WDR4: variants seen among roughly 807,000 people sequenced by gnomAD.
The protein encoded by WDR4 is WDR4 tRNA N7-guanosine methyltransferase non-catalytic subunit.
In WDR4, 47 loss-of-function variants were observed where a neutral mutation model predicts 48.6. The observed-to-expected ratio is 0.97, with a 90% CI of 0.77 to 1.23. The LOEUF (loss-of-function observed/expected upper bound fraction) is 1.23, where lower values mean the gene tolerates loss of function less well. Among genes scored for constraint, WDR4 ranks in the 50% most tolerant of loss-of-function variants. The probability of loss-of-function intolerance (pLI) is 0.00; values close to 1 mark genes in which losing one functional copy is unlikely to be tolerated. For synonymous variants in WDR4, 268 were observed against 230.0 expected, an observed-to-expected ratio of 1.17 and a Z score of -1.49; for missense variants, 606 against 551.6, an observed-to-expected ratio of 1.10 and a Z score of -0.99.
chr21:42,854,499 C>G (rs986810355), intron 8 of WDR4, 63 bp downstream of exon 8: 12 of 1,551,150 alleles, frequency 7.7e-6, no homozygotes, highest in Non-Finnish European at 1.0e-5. Context: ...GTGGCCAACC[C>G]GCTAACTCTT....
upstream of WDR4, chr21:42,879,689 C>CG (rs970117066): frequency 1.6e-6 from 1 of 606,316 alleles, no homozygotes; most frequent in African/African-American, 1.9e-5. Flanking sequence ...TGGTGGCCTT[C>CG]GGTGTTTCGG....
In WDR4 at chr21:42,862,326, G is replaced by A. The variant is rs1452014400; in HGVS notation, c.522C>T (p.Ala174=). 5.6e-6 allele frequency: 9 copies of A among 1,611,686 alleles called. No homozygotes were observed. Among genetic ancestry groups the A allele is most frequent in the South Asian group, 3.3e-5 (3 of 90,514 alleles). ...AGGACTCGATGCTATGGGGCGCCGC[G>A]GCCCAGCTGACTCGGATCTTCTCGT... ...DRDEKIRVSW[A]AAPHSIESFC... is the part of the protein sequence containing the mutation. The change falls in exon 5 of 11, where the codon GCC becomes GCT. Residue 174 remains alanine (A), a synonymous_variant. Coordinates refer to ENST00000398208, the MANE Select transcript of WDR4 (RefSeq NM_018669.6). This position sits in a 1 kb window ranked among gnomAD's most constrained non-coding sequence, Gnocchi z 4.3.
chr21:42,849,845 C>G lies in WDR4; in HGVS notation c.*204G>C. The G allele has an allele frequency of 1.7e-6, 1 of 594,062 alleles. No homozygotes were observed. The highest frequency in any genetic ancestry group is 2.8e-6 in the Non-Finnish European group (1 of 356,504). The allele number at this position is 594,062 out of a possible 1,614,324, so 36.8% of individuals were successfully genotyped here. A position where few individuals can be genotyped will look rare whatever the true frequency, so the allele number is the denominator to read the frequency against. ...CTCCACTGGTCTGGCTTCCCTTCAA[C>G]CAGAAAGGGGGCACAGGCACCCAGC... On this transcript the variant is annotated 3_prime_UTR_variant, in exon 11 of 11. Transcript: ENST00000398208.
chr21:42,877,138 ATTTTTTTTTT>A (rs35841350), intron 1 of WDR4, among the ~76,000 whole-genome samples: 1 of 97,380 alleles, frequency 1.0e-5, no homozygotes, highest in African/African-American at 4.2e-5. Context: ...CCTGGCCCTA[ATTTTTTTTTT>A]TTTTTTTTTT....
chr21:42,853,627 A>T lies in WDR4; in HGVS notation c.917T>A (p.Leu306His), dbSNP rs1438768611. The change falls in exon 9 of 11, where the codon CTC becomes CAC. Residue 306 changes from leucine (L) to histidine (H), a missense_variant. By Grantham distance (99) the Leu-to-His change is moderately conservative (BLOSUM62 -3). Coordinates refer to ENST00000398208, the MANE Select transcript of WDR4 (RefSeq NM_018669.6). ...CAGGGGGGCTTCCTGGCAGTCCTGG[A>T]GCACCCACAGCCCCTGGGTCTCCTC... ...AFEETQGLWV[L>H]QDCQEAPLVL... 2.5e-6 allele frequency: 4 copies of T among 1,607,876 alleles called. No homozygotes were observed. The East Asian group carries it at 9.0e-5, about 36-fold the overall frequency.
At chr21:42,843,245 A>T in exon 12 of WDR4, 1 of 152,166 alleles carries the variant, frequency 6.6e-6, no homozygotes, top group Admixed American at 6.5e-5. Flanking sequence ...TGGTCCACGG[A>T]TCGCACATAA....
At chr21:42,884,797 G>T in the WDR4 span, among the ~76,000 whole-genome samples, 2 of 151,662 alleles carry the variant, frequency 1.3e-5, no homozygotes, top group Admixed American at 6.6e-5. Context: ...GTTTTTTTCC[G>T]ACAGAGTCTC....
the WDR4 span, among the ~76,000 whole-genome samples, chr21:42,885,998 C>A: frequency 2.0e-5 from 3 of 150,518 alleles, no homozygotes; most frequent in Non-Finnish European, 4.4e-5. Flanking sequence ...GCTCTGTCAC[C>A]CAGGCTGGAG....
intron 6 of WDR4, among the ~76,000 whole-genome samples, chr21:42,858,705 G>GCCTGAC (rs760240466): frequency 9.9e-5 from 15 of 152,280 alleles, no homozygotes; most frequent in African/African-American, 2.6e-4. Context: ...CGCTGACGAA[G>GCCTGAC]CCTGACCCTG....
At chr21:42,878,161 A>G (rs2058544866) in intron 1 of WDR4, among the ~76,000 whole-genome samples, 1 of 152,168 alleles carries the variant, frequency 6.6e-6, no homozygotes, top group South Asian at 2.1e-4. Context: ...ACCTACCTGA[A>G]AGTGTTCCCA....
chr21:42,846,813 G>A (rs957643634), downstream of WDR4, among the ~76,000 whole-genome samples: 5 of 152,194 alleles, frequency 3.3e-5, no homozygotes, highest in African/African-American at 1.2e-4. Flanking sequence ...CCTGAGGTCA[G>A]GAGTTGGAGA....
intron 3 of WDR4, among the ~76,000 whole-genome samples, chr21:42,870,246 G>A (rs1416926782): frequency 1.3e-5 from 2 of 152,172 alleles, no homozygotes; most frequent in Non-Finnish European, 2.9e-5. Context: ...AGCTGCTCGG[G>A]AGGCGGAGGC....
chr21:42,885,926 G>T, the WDR4 span, among the ~76,000 whole-genome samples: 1 of 149,670 alleles, frequency 6.7e-6, no homozygotes, highest in South Asian at 2.1e-4. Flanking sequence ...CAAATCCCCA[G>T]CTTCAGGCAA....
chr21:42,863,019 G>A (rs56303747), intron 4 of WDR4, among the ~76,000 whole-genome samples: 77 of 152,248 alleles, frequency 5.1e-4, no homozygotes, highest in African/African-American at 1.8e-3. Flanking sequence ...ACAGCTCCCG[G>A]CCAAGGAGGC....
intron 3 of WDR4, among the ~76,000 whole-genome samples, chr21:42,872,172 C>T (rs577456532): frequency 4.7e-4 from 72 of 152,158 alleles, no homozygotes; most frequent in Middle Eastern, 3.4e-3. Context: ...TTAGTAGAGA[C>T]GGGGTTTTGC....
At chr21:42,877,252 TC>T (rs2146111888) in intron 1 of WDR4, among the ~76,000 whole-genome samples, 1 of 148,202 alleles carries the variant, frequency 6.7e-6, no homozygotes, top group East Asian at 2.0e-4. Flanking sequence ...CAAGCAATTC[TC>T]CCGCCTCAGC....
At chr21:42,881,062 C>T (rs564976661), upstream of WDR4, among the ~76,000 whole-genome samples, 2 of 152,190 alleles carry the variant, frequency 1.3e-5, no homozygotes, top group South Asian at 2.1e-4. Context: ...CCCGCCACCA[C>T]GCCTGGCTAA....
intron 1 of WDR4, among the ~76,000 whole-genome samples, chr21:42,877,889 T>C (rs959597277): frequency 6.6e-6 from 1 of 151,550 alleles, no homozygotes; most frequent in East Asian, 1.9e-4. Flanking sequence ...ACTAAAAATA[T>C]AAAAAATTAG....
intron 6 of WDR4, 65 bp downstream of exon 6, chr21:42,859,597 G>GGGGCCC: frequency 1.4e-6 from 1 of 708,190 alleles, no homozygotes; most frequent in Non-Finnish European, 2.5e-6. Flanking sequence ...TCCAGGAGGC[G>GGGGCCC]CCCACCCCAC....
Sources: allele counts gnomAD v4.1 joint callset (sites outside exome capture counted in the v4.1 genomes callset), GRCh38; gene constraint gnomAD v4.1.1; non-coding constraint Gnocchi (gnomAD v3.1); transcripts MANE v1.5; gene names NCBI Gene and HGNC (gene_info 2026-07-23, HGNC 2026-07-21).